Variants in TMEFF2 observed in about 807,000 individuals in gnomAD.
TMEFF2 encodes tomoregulin-2.
TMEFF2 carries 28 observed loss-of-function variants against 53.8 expected under a neutral mutation model. The ratio of observed to expected loss-of-function variants is 0.52; its 90% CI spans 0.39 to 0.71. The LOEUF (loss-of-function observed/expected upper bound fraction) is 0.71. Among genes scored for constraint, TMEFF2 ranks in the 30% least tolerant of loss-of-function variants. TMEFF2 has a pLI of 0.00. For synonymous variants in TMEFF2, 162 were observed against 166.3 expected (o/e 0.97, Z 0.20); for missense variants, 353 against 455.2 (o/e 0.78, Z 2.04).
At chr2:191,995,335 GT>G (rs1436832121) in intron 7 of TMEFF2, among the ~76,000 whole-genome samples, 1 of 151,990 alleles carries the variant, frequency 6.6e-6, no homozygotes, top group Non-Finnish European at 1.5e-5. Context: ...ATAAATAAGG[GT>G]TTTTAATCTA....
intron 4 of TMEFF2, among the ~76,000 whole-genome samples, chr2:192,142,745 C>T (rs1690167984): frequency 6.6e-6 from 1 of 152,128 alleles, no homozygotes; most frequent in African/African-American, 2.4e-5. Flanking sequence ...AAGAAGCTAT[C>T]ATTTATTAAA....
intron 7 of TMEFF2, among the ~76,000 whole-genome samples, chr2:191,997,139 T>C (rs1686242553): frequency 6.6e-6 from 1 of 151,962 alleles, no homozygotes; most frequent in Non-Finnish European, 1.5e-5. Flanking sequence ...ATTTCTCTCC[T>C]GGACGCTTTG....
intron 4 of TMEFF2, among the ~76,000 whole-genome samples, chr2:192,092,001 T>C (rs1274517363): frequency 6.6e-6 from 1 of 151,544 alleles, no homozygotes; most frequent in Non-Finnish European, 1.5e-5. Flanking sequence ...CTTGCTTTCT[T>C]CATCAGAAAC....
chr2:191,972,088 A>G (rs1021193830), intron 7 of TMEFF2, among the ~76,000 whole-genome samples: 1 of 151,686 alleles, frequency 6.6e-6, no homozygotes, highest in Non-Finnish European at 1.5e-5. Context: ...ATGAAGTTGG[A>G]GAGGTCAGTA....
intron 4 of TMEFF2, among the ~76,000 whole-genome samples, chr2:192,124,324 A>T (rs1311166721): frequency 6.6e-6 from 1 of 152,214 alleles, no homozygotes; most frequent in Non-Finnish European, 1.5e-5. Context: ...ATTTAGACTG[A>T]TATATCCAAC....
In TMEFF2 at chr2:191,949,820, G is replaced by GTAAAT. The variant is rs1691814759; in HGVS notation, c.*486_*490dup. The GTAAAT allele has an allele frequency of 3.0e-6, 3 of 985,322 alleles. No homozygotes were observed. Among genetic ancestry groups the GTAAAT allele is most frequent in the Admixed American group, 6.2e-5 (1 of 16,258 alleles). The allele number at this position is 985,322 out of a possible 1,614,324, so 61.0% of individuals were successfully genotyped here. A position where few individuals can be genotyped will look rare whatever the true frequency, so the allele number is the denominator to read the frequency against. ...ATATTTTATCCTCACTCGATATAAA[G>GTAAAT]TAAATTATTTTTTCTCTTTTCCAAT... On this transcript the variant is annotated 3_prime_UTR_variant, in exon 10 of 10. Transcript: ENST00000272771.
At chr2:191,996,766 T>A (rs1686231885) in intron 7 of TMEFF2, among the ~76,000 whole-genome samples, 1 of 151,834 alleles carries the variant, frequency 6.6e-6, no homozygotes, top group Non-Finnish European at 1.5e-5. Flanking sequence ...TCAAGATGCA[T>A]GCTAAAGTAT....
At chr2:192,186,683 C>T (rs1433161460) in intron 2 of TMEFF2, among the ~76,000 whole-genome samples, 1 of 152,096 alleles carries the variant, frequency 6.6e-6, no homozygotes, top group African/African-American at 2.4e-5. Flanking sequence ...GGTATTCTTG[C>T]CCCGGGCTAC....
chr2:192,058,596 A>G (rs555934203), intron 4 of TMEFF2, among the ~76,000 whole-genome samples: 1 of 152,266 alleles, frequency 6.6e-6, no homozygotes, highest in South Asian at 2.1e-4. Context: ...AATTTCTAGT[A>G]TTTGAGTACA....
In TMEFF2 at chr2:192,142,982, C is replaced by T. The variant is rs115126114; in HGVS notation, c.439+36686G>A. ...GCTGATTAAACATATTACTTGCCCA[C>T]ATTTAAAAATTAGGAGGTTTTGCAG... On this transcript the variant is annotated intron_variant, in intron 4 of 9. Coordinates refer to ENST00000272771, the MANE Select transcript of TMEFF2 (RefSeq NM_016192.4). 6.2e-3 allele frequency among the ~76,000 whole-genome samples: 951 copies of T among 152,222 alleles called. 8 individuals carry two copies. The highest frequency in any genetic ancestry group is 0.021 in the African/African-American group (881 of 41,526).
At chr2:192,171,734 T>A (rs1402888186) in intron 4 of TMEFF2, among the ~76,000 whole-genome samples, 3 of 151,962 alleles carry the variant, frequency 2.0e-5, no homozygotes, top group Non-Finnish European at 4.4e-5. Context: ...TCCCTCCTGA[T>A]CCTTCTCCAA....
At chr2:192,167,348 G>A (rs982208804) in intron 4 of TMEFF2, among the ~76,000 whole-genome samples, 27 of 152,080 alleles carry the variant, frequency 1.8e-4, no homozygotes, top group African/African-American at 6.3e-4. Flanking sequence ...TGTGTTGGGC[G>A]TATAGAAACA....
intron 5 of TMEFF2, among the ~76,000 whole-genome samples, chr2:192,053,911 C>A (rs1433322726): frequency 6.6e-6 from 1 of 152,068 alleles, no homozygotes; most frequent in Non-Finnish European, 1.5e-5. Context: ...TGTTAACATA[C>A]AAAGGTACGT....
intron 4 of TMEFF2, chr2:192,179,057 T>C (rs1691120946): frequency 6.6e-6 from 1 of 151,180 alleles, no homozygotes; most frequent in African/African-American, 2.4e-5. Flanking sequence ...TCTCTCATCT[T>C]ATATACTTCC....
chr2:192,085,049 G>A (rs556973483), intron 4 of TMEFF2, among the ~76,000 whole-genome samples: 5 of 151,992 alleles, frequency 3.3e-5, no homozygotes, highest in Admixed American at 3.3e-4. Flanking sequence ...TTCTTTTCTC[G>A]TCTCCTTCAC....
intron 4 of TMEFF2, among the ~76,000 whole-genome samples, chr2:192,138,177 C>G (rs1690055925): frequency 6.6e-6 from 1 of 152,140 alleles, no homozygotes. Context: ...CAATATCTTA[C>G]AGTTACTACA....
intron 4 of TMEFF2, among the ~76,000 whole-genome samples, chr2:192,128,175 A>G (rs539267325): frequency 6.6e-6 from 1 of 152,290 alleles, no homozygotes; most frequent in East Asian, 1.9e-4. Flanking sequence ...TTGCCATTAC[A>G]GATAAAGCCT....
Position 192,065,513 on chromosome 2 carries a change from C to T in TMEFF2, c.440-7738G>A, listed in dbSNP as rs571285371. 2.0e-5 allele frequency among the ~76,000 whole-genome samples: 3 copies of T among 151,874 alleles called. No individual in the cohort carries two copies. The East Asian group carries it at 5.8e-4, about 29-fold the overall frequency. On this transcript the variant is annotated intron_variant, in intron 4 of 9. Coordinates refer to ENST00000272771, the MANE Select transcript of TMEFF2 (RefSeq NM_016192.4). ...AGGCTGAGAAAAGAGCTTTTACACA[C>T]ATTTTATGCAGATATTAATCTGGTT...
At chr2:192,177,236 T>A (rs971216184) in intron 4 of TMEFF2, 3 of 151,144 alleles carry the variant, frequency 2.0e-5, no homozygotes, top group Non-Finnish European at 4.5e-5. Flanking sequence ...ATACGAATTC[T>A]ACAAAAATAC....
Sources: allele counts gnomAD v4.1 joint callset (sites outside exome capture counted in the v4.1 genomes callset), GRCh38; gene constraint gnomAD v4.1.1; transcripts MANE v1.5; gene names NCBI Gene and HGNC (gene_info 2026-07-23, HGNC 2026-07-21).